Variants in SLC7A9 observed in about 807,000 individuals in gnomAD.
The protein encoded by SLC7A9 is B(0,+)-type amino acid transporter 1.
SLC7A9 carries 38 observed loss-of-function variants against 54.1 expected under a neutral mutation model. That is an observed-to-expected ratio of 0.70 (90% CI 0.54 to 0.92). The LOEUF (loss-of-function observed/expected upper bound fraction) is 0.92. Among genes scored for constraint, SLC7A9 ranks in the 40% least tolerant of loss-of-function variants. The pLI, the probability that SLC7A9 is intolerant of heterozygous loss-of-function variation, is 0.00. For missense variants in SLC7A9, 537 were observed against 636.1 expected, an observed-to-expected ratio of 0.84 and a Z score of 1.68; for synonymous variants, 264 against 258.9, an observed-to-expected ratio of 1.02 and a Z score of -0.19.
At chr19:32,848,257 T>C (rs1968361309) in intron 9 of SLC7A9, among the ~76,000 whole-genome samples, 1 of 152,026 alleles carries the variant, frequency 6.6e-6, no homozygotes, top group Non-Finnish European at 1.5e-5. Flanking sequence ...GGATAAAGAG[T>C]CAAGACCCAT....
intron 2 of SLC7A9, among the ~76,000 whole-genome samples, chr19:32,867,452 C>T (rs1007623613): frequency 3.3e-5 from 5 of 151,750 alleles, no homozygotes; most frequent in Admixed American, 1.3e-4. Context: ...AGGAGGTTGA[C>T]GCTGCAGTGA....
intron 3 of SLC7A9, 76 bp from the exon 4 acceptor site, chr19:32,864,414 G>A (rs1000409336): frequency 7.3e-5 from 117 of 1,598,446 alleles, no homozygotes; most frequent in South Asian, 3.8e-4. Flanking sequence ...TCCTCCCACC[G>A]GAGGCTGCGC....
intron 11 of SLC7A9, 129 bp downstream of exon 11, chr19:32,842,039 T>A: frequency 1.1e-6 from 1 of 932,336 alleles, no homozygotes; most frequent in Non-Finnish European, 1.7e-6. Context: ...AACTCCACTC[T>A]AAAATACGAT....
intron 11 of SLC7A9, among the ~76,000 whole-genome samples, chr19:32,834,854 G>A (rs949157579): frequency 2.0e-5 from 3 of 152,104 alleles, no homozygotes; most frequent in African/African-American, 7.2e-5. Flanking sequence ...GCAGTGGCGT[G>A]ATCTTGGCTC....
rs371646559 is a variant in SLC7A9 at position 32,844,572 on chromosome 19, C to G, written c.978-621G>C. Among the ~76,000 whole-genome samples, 14 of 152,232 alleles carry G rather than the reference C, an allele frequency of 9.2e-5. No individual in the cohort carries two copies. In the South Asian group the frequency reaches 2.9e-3, roughly 32 times the overall value. On this transcript the variant is annotated intron_variant, in intron 9 of 12. Coordinates refer to ENST00000023064, the MANE Select transcript of SLC7A9 (RefSeq NM_014270.5). Reference sequence around the variant, plus strand: ...TTCGGCCAGGCACAGTGGCTCACACCTGTAATCCCAGCACTGGGAGACTGA... The same window carrying G: ...TTCGGCCAGGCACAGTGGCTCACACGTGTAATCCCAGCACTGGGAGACTGA...
chr19:32,850,385 A>G (rs1359347890), intron 9 of SLC7A9, among the ~76,000 whole-genome samples: 8 of 150,492 alleles, frequency 5.3e-5, no homozygotes, highest in South Asian at 4.2e-4. Context: ...TTATACACCA[A>G]TAACAGACAG....
chr19:32,866,902 C>T (rs1968987035), intron 2 of SLC7A9, among the ~76,000 whole-genome samples: 1 of 152,226 alleles, frequency 6.6e-6, no homozygotes, highest in Admixed American at 6.5e-5. Flanking sequence ...CCTGGAGCTG[C>T]CTTTCCTCAT....
intron 11 of SLC7A9, among the ~76,000 whole-genome samples, chr19:32,834,545 G>A (rs148623016): frequency 7.9e-5 from 12 of 152,088 alleles, no homozygotes; most frequent in Non-Finnish European, 1.3e-4. Context: ...CAGGAGAGTC[G>A]CTTGAACCCG....
intron 9 of SLC7A9, among the ~76,000 whole-genome samples, chr19:32,856,114 T>C (rs952021290): frequency 6.6e-6 from 1 of 151,862 alleles, no homozygotes; most frequent in Non-Finnish European, 1.5e-5. Context: ...TTCAGTATGA[T>C]GGGAGGAATA....
At chr19:32,838,177 A>T (rs1195173842) in intron 11 of SLC7A9, among the ~76,000 whole-genome samples, 2 of 152,208 alleles carry the variant, frequency 1.3e-5, no homozygotes, top group Non-Finnish European at 2.9e-5. Context: ...GTAAAATAAA[A>T]GGCCGCTTAA....
chr19:32,831,518 T>C (rs1362509747), intron 12 of SLC7A9, among the ~76,000 whole-genome samples: 1 of 152,158 alleles, frequency 6.6e-6, no homozygotes, highest in East Asian at 1.9e-4. Flanking sequence ...CTCGATCTCC[T>C]GACCTCGTGA....
At chr19:32,862,696 C>CACT in intron 4 of SLC7A9, 110 bp from the exon 5 acceptor site, 1 of 952,776 alleles carries the variant, frequency 1.0e-6, no homozygotes, top group Non-Finnish European at 1.4e-6. Flanking sequence ...GATGGAGTCT[C>CACT]ACTCTGTCAC....
chr19:32,832,001 C>T (rs73035385), intron 12 of SLC7A9, among the ~76,000 whole-genome samples: 5,141 of 152,270 alleles, frequency 0.034, 117 homozygotes, highest in Middle Eastern at 0.054. Context: ...TGGGGCTGGG[C>T]GCAGTGGCTC....
chr19:32,864,386 C>T (rs754132832), intron 3 of SLC7A9, 48 bp from the exon 4 acceptor site: 3 of 1,611,146 alleles, frequency 1.9e-6, no homozygotes, highest in Middle Eastern at 1.7e-4. Flanking sequence ...GAGGCACTGC[C>T]CCGGCCCCAG....
intron 8 of SLC7A9, among the ~76,000 whole-genome samples, chr19:32,858,800 ATTTC>A (rs1358383008): frequency 6.6e-6 from 1 of 150,604 alleles, no homozygotes; most frequent in East Asian, 1.9e-4. Context: ...TTATTTATTT[ATTTC>A]TGAGATGGAG....
In SLC7A9 at chr19:32,864,143, C is replaced by A. The variant is rs767364776; in HGVS notation, c.431G>T (p.Cys144Phe). Residue 144 changes from cysteine (C) to phenylalanine (F), a missense_variant, in exon 4 of 13, where the codon TGC becomes TTC. Coordinates refer to ENST00000023064, the MANE Select transcript of SLC7A9 (RefSeq NM_014270.5). ...TTTCACAACGATTTGAGGAGGCTTG[C>A]AGCCCACATAGAAGGGCGCACACAC... ...EYVCAPFYVG[C>F]KPPQIVVKCL... The A allele has an allele frequency of 6.2e-6, 10 of 1,614,092 alleles. No homozygotes were observed. Among genetic ancestry groups the A allele is most frequent in the Non-Finnish European group, 8.5e-6 (10 of 1,180,028 alleles).
At chr19:32,859,038 C>T (rs1316769243) in intron 8 of SLC7A9, among the ~76,000 whole-genome samples, 4 of 151,976 alleles carry the variant, frequency 2.6e-5, no homozygotes, top group East Asian at 3.9e-4. Context: ...CCACCCATCT[C>T]GGCCTCCCAA....
chr19:32,852,999 C>T (rs921568480), intron 9 of SLC7A9, among the ~76,000 whole-genome samples: 6 of 150,994 alleles, frequency 4.0e-5, no homozygotes, highest in Admixed American at 2.7e-4. Context: ...CTGCAACCTC[C>T]GTCCCCCAGG....
chr19:32,865,382 C>A (rs902347592), intron 2 of SLC7A9, among the ~76,000 whole-genome samples: 1 of 152,254 alleles, frequency 6.6e-6, no homozygotes, highest in Admixed American at 6.5e-5. Flanking sequence ...TGGCTCACTG[C>A]AGCCTCGAAC....
Sources: allele counts gnomAD v4.1 joint callset (sites outside exome capture counted in the v4.1 genomes callset), GRCh38; gene constraint gnomAD v4.1.1; transcripts MANE v1.5; gene names NCBI Gene and HGNC (gene_info 2026-07-23, HGNC 2026-07-21).